The following PCDH11X variants were observed in gnomAD, a reference collection of about 807,000 sequenced individuals.
The protein encoded by PCDH11X is protocadherin-11 X-linked.
In PCDH11X, 18 loss-of-function variants were observed where a neutral mutation model predicts 53.3. The ratio of observed to expected loss-of-function variants is 0.34; its 90% CI spans 0.23 to 0.50. The LOEUF (loss-of-function observed/expected upper bound fraction) is 0.50. Ranked by LOEUF, PCDH11X falls within the 20% of genes least tolerant of loss-of-function variation. The probability of loss-of-function intolerance (pLI) is 0.98; values close to 1 mark genes in which losing one functional copy is unlikely to be tolerated. For synonymous variants in PCDH11X, 279 were observed against 393.3 expected, an observed-to-expected ratio of 0.71 and a Z score of 3.44; for missense variants, 570 against 1,032.4, an observed-to-expected ratio of 0.55 and a Z score of 6.14.
intron 5 of PCDH11X, among the ~76,000 whole-genome samples, chrX:91,853,157 A>G (rs1938129613): frequency 9.1e-6 from 1 of 110,456 alleles, no homozygotes; most frequent in African/African-American, 3.3e-5. Context: ...TCGTAAATGT[A>G]GAAGTTACTT....
intron 4 of PCDH11X, among the ~76,000 whole-genome samples, chrX:91,833,785 G>T (rs1404929888): frequency 3.6e-5 from 4 of 111,635 alleles, no homozygotes; most frequent in Admixed American, 1.9e-4. Context: ...AAAAAATGCG[G>T]ATGTGCAGCT....
At chrX:91,835,434 T>G in intron 4 of PCDH11X, 27 bp from the exon 5 acceptor site, 1 of 1,210,706 alleles carries the variant, frequency 8.3e-7, no homozygotes, top group East Asian at 3.0e-5. Flanking sequence ...CTTCTTCCTC[T>G]TCTCTCTCTC....
Position 92,618,598 on chromosome X carries a change from C to A in PCDH11X, c.3702C>A (p.Ser1234Arg), listed in dbSNP as rs757542617. The change falls in exon 11 of 11, where the codon AGC (serine) becomes AGA (arginine). Residue 1234 changes from serine to arginine, a missense_variant. Around this residue, in one of 6 missense-constraint regions of PCDH11X, gnomAD observed 234 missense variants for 296.1 expected, o/e 0.79. Coordinates refer to ENST00000682573, the MANE Select transcript of PCDH11X (RefSeq NM_032968.5). ...TGCAGGCTACTGCACTTCACCACAGCCCACCATCAGCACAGGCCTCAGCCC... is the reference window on the plus strand; with the variant it reads ...TGCAGGCTACTGCACTTCACCACAGACCACCATCAGCACAGGCCTCAGCCC... Reference protein sequence around the residue: ...PLVQATALHHSPPSAQASALC... With the variant: ...PLVQATALHHRPPSAQASALC... 1 of 1,212,018 alleles carries A rather than the reference C, an allele frequency of 8.3e-7. No homozygotes were observed. The highest frequency in any genetic ancestry group is 1.1e-6 in the Non-Finnish European group (1 of 895,493).
intron 1 of PCDH11X, among the ~76,000 whole-genome samples, chrX:91,809,187 C>T (rs1936217787): frequency 9.0e-6 from 1 of 111,469 alleles, no homozygotes; most frequent in African/African-American, 3.3e-5. Context: ...CTTATACCCA[C>T]ATTCCAGATT....
chrX:92,279,148 T>A (rs1413757869), intron 8 of PCDH11X, among the ~76,000 whole-genome samples: 8 of 112,176 alleles, frequency 7.1e-5, no homozygotes, highest in African/African-American at 2.6e-4. Flanking sequence ...GCCATTGCAT[T>A]TTTATTCTGT....
intron 9 of PCDH11X, among the ~76,000 whole-genome samples, chrX:92,417,668 T>C (rs2071845998): frequency 9.0e-6 from 1 of 110,767 alleles, no homozygotes; most frequent in Non-Finnish European, 1.9e-5. Context: ...AAGGTAAAAA[T>C]GACTGGTGGA....
At chrX:92,113,193 A>C in intron 6 of PCDH11X, 1 of 1,132,045 alleles carries the variant, frequency 8.8e-7, no homozygotes, top group Non-Finnish European at 1.2e-6. Flanking sequence ...GCTGCTCCTC[A>C]GCCCCCCGAG....
chrX:92,022,064 A>T (rs1363881229), intron 6 of PCDH11X, among the ~76,000 whole-genome samples: 1 of 107,184 alleles, frequency 9.3e-6, no homozygotes, highest in African/African-American at 3.4e-5. Flanking sequence ...CACTGAAAAA[A>T]CAAACCAAAA....
intron 6 of PCDH11X, among the ~76,000 whole-genome samples, chrX:91,911,798 A>T (rs1288750324): frequency 1.0e-3 from 111 of 109,428 alleles, no homozygotes; most frequent in Admixed American, 2.0e-3. Flanking sequence ...TACACTTTAC[A>T]TTTTTTTTCT....
At chrX:92,280,606 A>ATTG (rs1186494498) in intron 8 of PCDH11X, among the ~76,000 whole-genome samples, 1 of 110,619 alleles carries the variant, frequency 9.0e-6, no homozygotes, top group African/African-American at 3.3e-5. Context: ...AGTATACTTT[A>ATTG]TTGTTCAGTT....
At chrX:92,320,175 A>T (rs1285341405) in intron 8 of PCDH11X, among the ~76,000 whole-genome samples, 1 of 111,868 alleles carries the variant, frequency 8.9e-6, no homozygotes, top group Non-Finnish European at 1.9e-5. Context: ...TGTGTACAGT[A>T]CACAAATGGA....
At chrX:91,900,513 T>G (rs1481348101) in intron 6 of PCDH11X, among the ~76,000 whole-genome samples, 1 of 108,575 alleles carries the variant, frequency 9.2e-6, no homozygotes, top group Non-Finnish European at 1.9e-5. Flanking sequence ...TACACAGCCT[T>G]CTGGAGAACT....
chrX:91,945,158 C>T (rs1260636774), intron 6 of PCDH11X, among the ~76,000 whole-genome samples: 1 of 103,770 alleles, frequency 9.6e-6, no homozygotes, highest in Non-Finnish European at 2.0e-5. Context: ...AAATTAATCT[C>T]TGGAGGTTTA....
At chrX:92,550,749 C>T (rs2074939470) in intron 10 of PCDH11X, among the ~76,000 whole-genome samples, 1 of 110,432 alleles carries the variant, frequency 9.1e-6, no homozygotes, top group Non-Finnish European at 1.9e-5. Context: ...TACCCTTCCC[C>T]GCCCTGGGTA....
At chrX:92,273,879 A>T (rs1439363566) in intron 8 of PCDH11X, among the ~76,000 whole-genome samples, 1 of 111,078 alleles carries the variant, frequency 9.0e-6, no homozygotes, top group East Asian at 2.9e-4. Flanking sequence ...AAGGAGATTC[A>T]GCATAGTCCT....
chrX:92,453,724 T>C (rs1337247398), intron 9 of PCDH11X, among the ~76,000 whole-genome samples: 3 of 111,266 alleles, frequency 2.7e-5, no homozygotes, highest in Non-Finnish European at 5.7e-5. Flanking sequence ...AAGGTATTTC[T>C]TTGATTTGAA....
chrX:92,515,033 C>T lies in PCDH11X; in HGVS notation c.3367+46711C>T, dbSNP rs1293221310. On this transcript the variant is annotated intron_variant, in intron 10 of 10. Transcript: ENST00000682573. Reference sequence around the variant, plus strand: ...CTGCACTCCAGCCTGGGCGACAGAGCGAGATTCCACCTCAAAAAAAAAAAA... The same window carrying T: ...CTGCACTCCAGCCTGGGCGACAGAGTGAGATTCCACCTCAAAAAAAAAAAA... 9.3e-5 allele frequency among the ~76,000 whole-genome samples: 7 copies of T among 75,452 alleles called. No homozygotes were observed. The Admixed American group carries it at 1.2e-3, about 13-fold the overall frequency. The allele number at this position is 75,452 out of a possible 115,157, so 65.5% of individuals were successfully genotyped here.
At chrX:92,265,236 A>T (rs933265586) in intron 8 of PCDH11X, among the ~76,000 whole-genome samples, 1 of 110,151 alleles carries the variant, frequency 9.1e-6, no homozygotes, top group Non-Finnish European at 1.9e-5. Context: ...CACCCGGCCG[A>T]TAAGCAGAAT....
intron 6 of PCDH11X, among the ~76,000 whole-genome samples, chrX:92,179,833 A>G (rs898106055): frequency 2.7e-5 from 3 of 111,762 alleles, no homozygotes; most frequent in African/African-American, 9.8e-5. Flanking sequence ...ACTCTACTGA[A>G]GCAGCAATCA....
Sources: allele counts gnomAD v4.1 joint callset (sites outside exome capture counted in the v4.1 genomes callset), GRCh38; gene constraint gnomAD v4.1.1; regional missense constraint gnomAD v4.1.1; transcripts MANE v1.5; gene names NCBI Gene and HGNC (gene_info 2026-07-23, HGNC 2026-07-21).